TRAPPC9: variants seen among roughly 807,000 people sequenced by gnomAD.
The protein encoded by TRAPPC9 is trafficking protein particle complex subunit 9, also known as IKK2 binding protein.
Under a neutral mutation model 124.0 loss-of-function variants are expected in TRAPPC9, and 83 were observed. The ratio of observed to expected loss-of-function variants is 0.67; its 90% confidence interval spans 0.56 to 0.80. TRAPPC9 has a LOEUF of 0.80. Ranked by LOEUF, TRAPPC9 falls within the 30% of genes least tolerant of loss-of-function variation. The pLI is 0.00. For missense variants in TRAPPC9, 1,302 were observed against 1,508.3 expected (o/e 0.86, Z 2.27); for synonymous variants, 638 against 617.5 (o/e 1.03, Z -0.49).
intron 17 of TRAPPC9, among the ~76,000 whole-genome samples, chr8:140,125,977 T>C (rs1351984272): frequency 6.6e-6 from 1 of 152,114 alleles, no homozygotes; most frequent in Non-Finnish European, 1.5e-5. Flanking sequence ...TTTCACCGTG[T>C]TAGCCAGGAT....
intron 9 of TRAPPC9, among the ~76,000 whole-genome samples, chr8:140,329,283 T>C (rs1248513911): frequency 6.6e-6 from 1 of 152,090 alleles, no homozygotes; most frequent in Admixed American, 6.5e-5. Flanking sequence ...TGGGGGTGGA[T>C]ATGAGAGAAA....
At chr8:140,304,447 G>A (rs1269802312) in intron 10 of TRAPPC9, among the ~76,000 whole-genome samples, 3 of 151,938 alleles carry the variant, frequency 2.0e-5, no homozygotes, top group East Asian at 1.9e-4. Context: ...GGCATAGGAC[G>A]TTGAAGTGTT....
At chr8:140,323,820 C>T (rs924114772) in intron 9 of TRAPPC9, among the ~76,000 whole-genome samples, 2 of 152,136 alleles carry the variant, frequency 1.3e-5, no homozygotes, top group Admixed American at 6.5e-5. Flanking sequence ...CCCATCCACA[C>T]AAAACTCGAT....
intron 17 of TRAPPC9, among the ~76,000 whole-genome samples, chr8:140,065,617 T>C (rs965639991): frequency 2.6e-5 from 4 of 152,216 alleles, no homozygotes; most frequent in South Asian, 2.1e-4. Context: ...CTAAATCTAC[T>C]CAGCCTGTGC....
intron 18 of TRAPPC9, among the ~76,000 whole-genome samples, chr8:139,997,351 A>T (rs898335199): frequency 1.3e-5 from 2 of 151,098 alleles, no homozygotes; most frequent in Non-Finnish European, 2.9e-5. Flanking sequence ...CAGACAACGC[A>T]TCCTACACAG....
intron 21 of TRAPPC9, among the ~76,000 whole-genome samples, chr8:139,876,540 G>T (rs1434303690): frequency 6.6e-6 from 1 of 152,228 alleles, no homozygotes; most frequent in Non-Finnish European, 1.5e-5. Context: ...ACAACCTGCT[G>T]ACTGATCTGG....
At chr8:139,954,453 G>A (rs1366905793) in intron 19 of TRAPPC9, among the ~76,000 whole-genome samples, 6 of 152,142 alleles carry the variant, frequency 3.9e-5, no homozygotes, top group Admixed American at 3.9e-4. Context: ...GATTGGATTA[G>A]TGTCCTTATA....
chr8:140,427,092 ATT>A (rs11464909), intron 4 of TRAPPC9, among the ~76,000 whole-genome samples: 3 of 138,392 alleles, frequency 2.2e-5, no homozygotes, highest in African/African-American at 5.4e-5. Flanking sequence ...CGACCGGCTA[ATT>A]TTTTTTTTTT....
At chr8:139,860,838 C>T (rs1487121705) in intron 21 of TRAPPC9, among the ~76,000 whole-genome samples, 3 of 152,250 alleles carry the variant, frequency 2.0e-5, no homozygotes, top group African/African-American at 7.2e-5. Context: ...GAGGGGCCTC[C>T]CAGCCCTGCA....
chr8:140,124,578 A>T (rs2061047729), intron 17 of TRAPPC9, among the ~76,000 whole-genome samples: 1 of 152,152 alleles, frequency 6.6e-6, no homozygotes, highest in African/African-American at 2.4e-5. Context: ...GGGGGGCATT[A>T]CTGCATCTAC....
At chr8:140,370,133 T>C (rs1457743962) in intron 8 of TRAPPC9, among the ~76,000 whole-genome samples, 1 of 152,066 alleles carries the variant, frequency 6.6e-6, no homozygotes, top group African/African-American at 2.4e-5. Context: ...AAAATGTTTT[T>C]TTTTTTGTTT....
chr8:140,372,549 G>A (rs1394955704), intron 7 of TRAPPC9, among the ~76,000 whole-genome samples: 4 of 152,142 alleles, frequency 2.6e-5, no homozygotes, highest in Non-Finnish European at 4.4e-5. Flanking sequence ...CCCGAGCCAC[G>A]GTTTGAATGT....
At chr8:140,348,065 C>A (rs1282466570) in intron 9 of TRAPPC9, among the ~76,000 whole-genome samples, 1 of 152,230 alleles carries the variant, frequency 6.6e-6, no homozygotes, top group Non-Finnish European at 1.5e-5. Flanking sequence ...ACTCAGATGA[C>A]AACTGAACAA....
At chr8:140,279,118 T>C (rs1318275321) in intron 14 of TRAPPC9, among the ~76,000 whole-genome samples, 1 of 152,250 alleles carries the variant, frequency 6.6e-6, no homozygotes, top group African/African-American at 2.4e-5. Context: ...AGGCCCAGTT[T>C]AATACCACAT....
chr8:140,325,855 C>G (rs560678112), intron 9 of TRAPPC9, among the ~76,000 whole-genome samples: 207 of 152,154 alleles, frequency 1.4e-3, no homozygotes, highest in African/African-American at 4.4e-3. Flanking sequence ...TCTCACAGAA[C>G]TAAAGAGATA....
At chr8:139,858,932 C>G (rs1827966308) in intron 21 of TRAPPC9, among the ~76,000 whole-genome samples, 1 of 148,378 alleles carries the variant, frequency 6.7e-6, no homozygotes, top group Admixed American at 6.8e-5. Flanking sequence ...CGGTCTCCAT[C>G]TAGAAGCCGT....
intron 21 of TRAPPC9, among the ~76,000 whole-genome samples, chr8:139,736,610 T>A (rs7824473): frequency 8.5e-5 from 13 of 152,084 alleles, no homozygotes; most frequent in Non-Finnish European, 1.6e-4. Flanking sequence ...CAAAAGGATG[T>A]CCTGGTCTCC....
At chr8:140,076,564 C>G (rs1843522959) in intron 17 of TRAPPC9, among the ~76,000 whole-genome samples, 1 of 152,238 alleles carries the variant, frequency 6.6e-6, no homozygotes, top group Non-Finnish European at 1.5e-5. Flanking sequence ...CGCTGTGTCC[C>G]TCAGGCCATG....
intron 17 of TRAPPC9, among the ~76,000 whole-genome samples, chr8:140,213,128 TG>T (rs1563850916): frequency 1.3e-5 from 2 of 152,002 alleles, no homozygotes; most frequent in Non-Finnish European, 2.9e-5. Flanking sequence ...TCTTCTTTTT[TG>T]TTGACTTTTT....
Sources: allele counts gnomAD v4.1 joint callset (sites outside exome capture counted in the v4.1 genomes callset), GRCh38; gene constraint gnomAD v4.1.1; transcripts MANE v1.5; gene names NCBI Gene and HGNC (gene_info 2026-07-23, HGNC 2026-07-21).